FOXP2: variants seen among roughly 807,000 people sequenced by gnomAD.
FOXP2 encodes forkhead box P2, also known as forkhead box protein P2.
FOXP2 carries 12 observed loss-of-function variants against 115.8 expected under a neutral mutation model. The ratio of observed to expected loss-of-function variants is 0.10; its 90% CI spans 0.07 to 0.17. The LOEUF is 0.17. Among genes scored for constraint, FOXP2 ranks in the 10% least tolerant of loss-of-function variants. The probability of loss-of-function intolerance (pLI) is 1.00; values close to 1 mark genes in which losing one functional copy is unlikely to be tolerated. For missense variants in FOXP2, 629 were observed against 843.5 expected (o/e 0.75, Z 3.15); for synonymous variants, 328 against 297.7 (o/e 1.10, Z -1.05).
At chr7:114,490,649 T>A (rs1056415598) in intron 2 of FOXP2, among the ~76,000 whole-genome samples, 1 of 152,076 alleles carries the variant, frequency 6.6e-6, no homozygotes, top group Non-Finnish European at 1.5e-5. Context: ...ATGCTATCCC[T>A]CCCCCATACC....
chr7:114,147,124 A>G (rs1792392078), intron 1 of FOXP2, among the ~76,000 whole-genome samples: 1 of 152,208 alleles, frequency 6.6e-6, no homozygotes, highest in Non-Finnish European at 1.5e-5. Context: ...GATTTCAATC[A>G]CAAATCAGCT....
intron 6 of FOXP2, among the ~76,000 whole-genome samples, chr7:114,642,023 C>A (rs549552446): frequency 6.6e-6 from 1 of 152,010 alleles, no homozygotes; most frequent in Non-Finnish European, 1.5e-5. Context: ...CCAGGCTGGT[C>A]TCGAACTCCT....
chr7:114,297,162 G>C, intron 2 of FOXP2: 1 of 491,008 alleles, frequency 2.0e-6, no homozygotes, highest in Non-Finnish European at 4.1e-6. Context: ...ACGTTTCTCA[G>C]CTCCTCCTGC....
At chr7:114,254,813 C>T (rs1795561083) in intron 1 of FOXP2, among the ~76,000 whole-genome samples, 1 of 152,202 alleles carries the variant, frequency 6.6e-6, no homozygotes, top group African/African-American at 2.4e-5. Context: ...ATTCTCCGTC[C>T]AGCTTTGTTC....
At chr7:114,430,164 T>C (rs1458351184) in intron 2 of FOXP2, among the ~76,000 whole-genome samples, 2 of 151,692 alleles carry the variant, frequency 1.3e-5, no homozygotes, top group East Asian at 3.9e-4. Context: ...ATTTTTAAAA[T>C]GCATAATTTA....
chr7:114,159,257 A>G (rs1279118146), upstream of FOXP2, among the ~76,000 whole-genome samples: 2 of 152,126 alleles, frequency 1.3e-5, no homozygotes, highest in African/African-American at 4.8e-5. Context: ...AGGAAAGAGT[A>G]AACAATGAGC....
At chr7:114,374,662 T>C (rs930914252) in intron 2 of FOXP2, among the ~76,000 whole-genome samples, 9 of 152,216 alleles carry the variant, frequency 5.9e-5, no homozygotes, top group African/African-American at 1.9e-4. Context: ...TGACTTATAA[T>C]CATTTGTGCA....
intron 3 of FOXP2, among the ~76,000 whole-genome samples, chr7:114,579,965 TAGGAG>T (rs1290561377): frequency 1.3e-5 from 2 of 152,146 alleles, no homozygotes; most frequent in Non-Finnish European, 2.9e-5. Context: ...AACAAGTAGT[TAGGAG>T]AGGTTTATTT....
rs376988752 is a variant in FOXP2 at position 114,545,171 on chromosome 7, A to C, written c.258+10465A>C. 5.9e-5 allele frequency among the ~76,000 whole-genome samples: 9 copies of C among 152,250 alleles called. No homozygotes were observed. In the East Asian group the frequency reaches 1.7e-3, roughly 29 times the overall value. On this transcript the variant is annotated intron_variant, in intron 3 of 16. Coordinates refer to ENST00000350908, the MANE Select transcript of FOXP2 (RefSeq NM_014491.4). Reference sequence around the variant, plus strand: ...GGAACAAGAAAACAGTGAACCCCAAATTCTATTAATATACTATATGATTTT... The same window carrying C: ...GGAACAAGAAAACAGTGAACCCCAACTTCTATTAATATACTATATGATTTT...
At chr7:114,628,829 G>T (rs1804735782) in intron 4 of FOXP2, 152 bp downstream of exon 4, 1 of 884,770 alleles carries the variant, frequency 1.1e-6, no homozygotes, top group Non-Finnish European at 1.7e-6. Flanking sequence ...TTTAATTATA[G>T]AACTCGTAAG....
In FOXP2 at chr7:114,663,462, A is replaced by G. The variant is rs1329118632; in HGVS notation, c.1782A>G (p.Leu594=). 2 of 1,607,750 alleles carry G rather than the reference A, an allele frequency of 1.2e-6. No homozygotes were observed. The highest frequency in any genetic ancestry group is 1.7e-6 in the Non-Finnish European group (2 of 1,175,728). Residue 594 remains leucine, a synonymous_variant, in exon 15 of 17, where the codon TTA becomes TTG. Transcript: ENST00000350908. ...TTTTTTTTTTCAGAAGTCCAACCTT[A>G]GTAAAAAATATACCTACCAGTTTAG... The part of the protein sequence containing the change: ...RSQKITGSPT[L]VKNIPTSLGY...
intron 15 of FOXP2, 83 bp from the exon 16 acceptor site, chr7:114,664,190 A>G: frequency 7.1e-7 from 1 of 1,408,350 alleles, no homozygotes. Flanking sequence ...CCTTATTGGA[A>G]CCCATTAAAA....
chr7:114,338,748 TCACACACACA>T (rs56411270), intron 2 of FOXP2, among the ~76,000 whole-genome samples: 32 of 146,622 alleles, frequency 2.2e-4, no homozygotes, highest in East Asian at 1.0e-3. Flanking sequence ...GTCAAGATGT[TCACACACACA>T]CACACACACA....
rs1161892820 is a variant in FOXP2, at chr7:114,343,742, T to G, written c.-11+55633T>G. On this transcript the variant is annotated intron_variant, in intron 2 of 17. Coordinates refer to the FOXP2 transcript ENST00000634411. The stretch of plus-strand genomic sequence containing the variant: ...GAGATAGCTGCATGGCTAATTCCTT[T>G]ACTTTCTTCAGAAATTTGCTCAATG... Among the ~76,000 whole-genome samples the G allele has an allele frequency of 2.6e-5, 4 of 151,734 alleles. No homozygotes were observed. The South Asian group carries it at 6.2e-4, about 24-fold the overall frequency.
chr7:114,363,381 T>C (rs967452819), intron 2 of FOXP2, among the ~76,000 whole-genome samples: 1 of 152,144 alleles, frequency 6.6e-6, no homozygotes, highest in Non-Finnish European at 1.5e-5. Flanking sequence ...GGATTTTGGA[T>C]GACTTGTAAA....
intron 1 of FOXP2, among the ~76,000 whole-genome samples, chr7:114,254,266 G>T (rs1035063863): frequency 5.9e-5 from 9 of 151,960 alleles, no homozygotes; most frequent in Non-Finnish European, 1.3e-4. Flanking sequence ...CTGACAATTA[G>T]TGTCTTGGAG....
intron 5 of FOXP2, chr7:114,631,106 A>G (rs1467508328): frequency 4.8e-6 from 1 of 208,886 alleles, no homozygotes; most frequent in African/African-American, 2.3e-5. Flanking sequence ...CAGTTTACTA[A>G]TAGATCACCA....
chr7:114,174,491 C>A (rs1418719404), intron 1 of FOXP2, among the ~76,000 whole-genome samples: 1 of 152,006 alleles, frequency 6.6e-6, no homozygotes, highest in Non-Finnish European at 1.5e-5. Context: ...GTTTCTTCTA[C>A]AAATTCCCAG....
At chr7:114,211,481 G>A (rs574161959) in intron 1 of FOXP2, among the ~76,000 whole-genome samples, 1 of 152,334 alleles carries the variant, frequency 6.6e-6, no homozygotes, top group East Asian at 1.9e-4. Flanking sequence ...TCCTGGATGG[G>A]CTGTCACCCC....
Sources: allele counts gnomAD v4.1 joint callset (sites outside exome capture counted in the v4.1 genomes callset), GRCh38; gene constraint gnomAD v4.1.1; transcripts MANE v1.5; gene names NCBI Gene and HGNC (gene_info 2026-07-23, HGNC 2026-07-21).